Variants in INSYN2A observed in about 807,000 individuals in gnomAD.
INSYN2A encodes the protein inhibitory synaptic factor 2A.
Under a neutral mutation model 39.4 loss-of-function variants are expected in INSYN2A, and 17 were observed. The observed-to-expected ratio is 0.43, with a 90% CI of 0.30 to 0.65. The LOEUF (loss-of-function observed/expected upper bound fraction) is 0.65. INSYN2A is among the 30% of genes least tolerant of loss of function. INSYN2A has a pLI of 0.14. For synonymous variants in INSYN2A, 255 were observed against 265.7 expected, an observed-to-expected ratio of 0.96 and a Z score of 0.39; for missense variants, 595 against 631.2, an observed-to-expected ratio of 0.94 and a Z score of 0.61.
At chr10:127,162,574 C>T (rs2053678066) in intron 4 of INSYN2A, among the ~76,000 whole-genome samples, 1 of 152,184 alleles carries the variant, frequency 6.6e-6, no homozygotes, top group Non-Finnish European at 1.5e-5. Flanking sequence ...CTCAGAATCA[C>T]ACACATCCCA....
chr10:127,171,508 T>C (rs2250109), intron 4 of INSYN2A, among the ~76,000 whole-genome samples: 108,474 of 151,914 alleles, frequency 0.71, 38,928 homozygotes, highest in East Asian at 0.86. Context: ...TTGTCACTTG[T>C]ATTCAAACTC....
At chr10:127,186,007 T>G (rs2056198020) in intron 2 of INSYN2A, among the ~76,000 whole-genome samples, 1 of 152,202 alleles carries the variant, frequency 6.6e-6, no homozygotes, top group African/African-American at 2.4e-5. Context: ...CAAAATAAAT[T>G]GAGTTTAATT....
intron 4 of INSYN2A, among the ~76,000 whole-genome samples, chr10:127,164,778 T>C (rs1307377540): frequency 6.6e-6 from 1 of 152,242 alleles, no homozygotes; most frequent in Non-Finnish European, 1.5e-5. Flanking sequence ...GTGTGTGGAC[T>C]GCCTGGCTAT....
chr10:127,152,072 C>T (rs1448708545), intron 5 of INSYN2A, among the ~76,000 whole-genome samples: 1 of 152,096 alleles, frequency 6.6e-6, no homozygotes, highest in Admixed American at 6.5e-5. Context: ...GGCTGAACAG[C>T]TCATTCTCTG....
At chr10:127,182,719 A>G (rs1035767564) in intron 2 of INSYN2A, among the ~76,000 whole-genome samples, 2 of 152,196 alleles carry the variant, frequency 1.3e-5, no homozygotes, top group African/African-American at 4.8e-5. Context: ...AGTTGGTTCC[A>G]ACAACTCACC....
rs58148253 is a variant in INSYN2A, at chr10:127,137,935, G to T, written c.1342C>A (p.Pro448Thr). 1.8e-3 allele frequency: 2,978 copies of T among 1,614,128 alleles called. 50 individuals are homozygous for T. The African/African-American group carries it at 0.035, about 19-fold the overall frequency. ...LHPIEETQVIPSPYSQETYSS... is the reference protein window; with the variant it reads ...LHPIEETQVITSPYSQETYSS... Reference sequence around the variant, plus strand: ...TAAGTCTCCTGAGAGTAAGGCGAAGGTATGACCTGAGTTTCCTCAATAGGG... The same window carrying T: ...TAAGTCTCCTGAGAGTAAGGCGAAGTTATGACCTGAGTTTCCTCAATAGGG... Residue 448 changes from proline to threonine, a missense_variant, in exon 6 of 6, where the codon CCT becomes ACT. This residue lies in a region of INSYN2A where 117 missense variants were observed against 163.8 expected (regional missense o/e 0.71). Coordinates refer to ENST00000522781, the MANE Select transcript of INSYN2A (RefSeq NM_001039762.3).
In INSYN2A at chr10:127,152,526, A is replaced by G. The variant is rs1253181753; in HGVS notation, c.1256+1326T>C. 2.6e-5 allele frequency among the ~76,000 whole-genome samples: 4 copies of G among 152,232 alleles called. No individual in the cohort carries two copies. The East Asian group carries it at 7.7e-4, about 29-fold the overall frequency. On this transcript the variant is annotated intron_variant, in intron 5 of 5. Transcript: ENST00000522781. ...TACCAGCTTGTGTGTGCCTCTTACA[A>G]CACTCTAAGGTGGGGGTGGTTTCAG...
intron 4 of INSYN2A, among the ~76,000 whole-genome samples, chr10:127,162,251 A>G (rs1460980424): frequency 6.6e-6 from 1 of 152,200 alleles, no homozygotes; most frequent in Non-Finnish European, 1.5e-5. Context: ...CTCCCTGAAT[A>G]TGAACATGCA....
At chr10:127,167,492 G>T (rs1352030013) in intron 4 of INSYN2A, among the ~76,000 whole-genome samples, 1 of 152,118 alleles carries the variant, frequency 6.6e-6, no homozygotes, top group African/African-American at 2.4e-5. Flanking sequence ...ATGGAGATCT[G>T]CAGCGAGGTT....
In INSYN2A at chr10:127,176,720, C is replaced by T. The variant is rs1366988924; in HGVS notation, c.-6+157G>A. ...AAGAAACCCAATGATGCTGCCTCTT[C>T]TGCTTTGCAAATTATCTTTTCACAC... On this transcript the variant is annotated intron_variant, in intron 3 of 5. Coordinates refer to ENST00000522781, the MANE Select transcript of INSYN2A (RefSeq NM_001039762.3). The surrounding 1 kb of genome is among the most constrained non-coding windows in gnomAD (Gnocchi z 4.4). 1.3e-5 allele frequency among the ~76,000 whole-genome samples: 2 copies of T among 152,240 alleles called. No homozygotes were observed. Among genetic ancestry groups the T allele is most frequent in the Non-Finnish European group, 2.9e-5 (2 of 68,046 alleles).
At chr10:127,157,863 A>G (rs888562007) in intron 4 of INSYN2A, among the ~76,000 whole-genome samples, 1 of 152,232 alleles carries the variant, frequency 6.6e-6, no homozygotes, top group Non-Finnish European at 1.5e-5. Flanking sequence ...TAATTTGTGA[A>G]TAAAATTTAA....
At chr10:127,144,306 C>G (rs921263648) in intron 5 of INSYN2A, among the ~76,000 whole-genome samples, 5 of 152,186 alleles carry the variant, frequency 3.3e-5, no homozygotes, top group African/African-American at 1.2e-4. Flanking sequence ...CACCCTCCCC[C>G]CTGCCTCATC....
At chr10:127,186,107 A>T (rs1458106014) in intron 2 of INSYN2A, among the ~76,000 whole-genome samples, 7 of 152,156 alleles carry the variant, frequency 4.6e-5, no homozygotes, top group Non-Finnish European at 1.5e-5. Flanking sequence ...AGGATGAATC[A>T]CTGGCTTTCA....
At chr10:127,155,347 A>C (rs4237451) in intron 4 of INSYN2A, among the ~76,000 whole-genome samples, 32,550 of 152,124 alleles carry the variant, frequency 0.21, 4,193 homozygotes, top group South Asian at 0.29. Flanking sequence ...CCTCATGGTT[A>C]TGTGCAGTTT....
At chr10:127,177,228 G>C (rs1007762203) in intron 2 of INSYN2A, 89 bp from the exon 3 acceptor site, 6 of 152,118 alleles carry the variant, frequency 3.9e-5, no homozygotes, top group African/African-American at 1.4e-4. Context: ...CAATGGTGGT[G>C]GTTTCAGTAC....
In INSYN2A at chr10:127,175,827, A is replaced by G. The variant is rs779906190; in HGVS notation, c.569T>C (p.Val190Ala). The G allele has an allele frequency of 1.9e-6, 3 of 1,613,206 alleles. No individual in the cohort carries two copies. In the Admixed American group the frequency reaches 5.0e-5, roughly 27 times the overall value. ...HMNTVDQPLG[V>A]NCTEPCKSPE... ...GCTTTTACAGGGCTCTGTGCAGTTG[A>G]CCCCCAAAGGCTGGTCCACTGTGTT... The change falls in exon 4 of 6, where the codon GTC (valine) becomes GCC (alanine). Residue 190 changes from valine to alanine, a missense_variant. Val to Ala is a moderately conservative substitution (Grantham distance 64, BLOSUM62 0). This residue lies in a region of INSYN2A where 478 missense variants were observed against 467.4 expected (regional missense o/e 1.02). Coordinates refer to ENST00000522781, the MANE Select transcript of INSYN2A (RefSeq NM_001039762.3). The surrounding 1 kb of genome is among the most constrained non-coding windows in gnomAD (Gnocchi z 6.3).
At chr10:127,154,286 A>G (rs993615883) in intron 4 of INSYN2A, among the ~76,000 whole-genome samples, 1 of 152,248 alleles carries the variant, frequency 6.6e-6, no homozygotes, top group African/African-American at 2.4e-5. Context: ...TCCATGGCTT[A>G]TGTTTGCTCT....
chr10:127,143,532 C>T (rs1353824901), intron 5 of INSYN2A, among the ~76,000 whole-genome samples: 1 of 152,078 alleles, frequency 6.6e-6, no homozygotes, highest in Non-Finnish European at 1.5e-5. Context: ...AGGCCTGGGC[C>T]CAGGAGGGCA....
intron 5 of INSYN2A, among the ~76,000 whole-genome samples, chr10:127,140,154 A>G (rs1364548646): frequency 6.6e-6 from 1 of 152,238 alleles, no homozygotes; most frequent in African/African-American, 2.4e-5. Context: ...CTAGGCTAAC[A>G]GTACAATTTC....
Sources: gnomAD v4.1 joint callset for allele counts (sites outside exome capture counted in the v4.1 genomes callset) on GRCh38, gnomAD v4.1.1 for gene constraint, gnomAD v4.1.1 regional missense constraint, Gnocchi (gnomAD v3.1) non-coding constraint, MANE v1.5 for transcripts, NCBI Gene and HGNC (gene_info 2026-07-23, HGNC 2026-07-21) for gene names.